SHANK2: variants seen among roughly 807,000 people sequenced by gnomAD.
SHANK2 encodes the protein SH3 and multiple ankyrin repeat domains 2, also known as SH3 and multiple ankyrin repeat domains protein 2.
Under a neutral mutation model 133.7 loss-of-function variants are expected in SHANK2, and 43 were observed. That is an observed-to-expected ratio of 0.32 (90% CI 0.25 to 0.41). The LOEUF (loss-of-function observed/expected upper bound fraction) is 0.41, where lower values mean the gene tolerates loss of function less well. Among genes scored for constraint, SHANK2 ranks in the 10% least tolerant of loss-of-function variants. The pLI, the probability that SHANK2 is intolerant of heterozygous loss-of-function variation, is 1.00. For synonymous variants in SHANK2, 1,017 were observed against 952.8 expected (o/e 1.07, Z -1.24); for missense variants, 1,994 against 2,235.8 (o/e 0.89, Z 2.18).
intron 14 of SHANK2, among the ~76,000 whole-genome samples, chr11:70,786,213 C>A (rs1947651270): frequency 6.6e-6 from 1 of 152,228 alleles, no homozygotes; most frequent in Non-Finnish European, 1.5e-5. Flanking sequence ...CTGTGCCTTT[C>A]TCCTCTGCAG....
chr11:70,620,629 G>T (rs2060817061), intron 17 of SHANK2, among the ~76,000 whole-genome samples: 1 of 151,112 alleles, frequency 6.6e-6, no homozygotes, highest in Non-Finnish European at 1.5e-5. Context: ...CCGTCTGAAT[G>T]TCTGTATCCC....
chr11:70,500,298 CAG>C lies in SHANK2; in HGVS notation c.2308+270_2308+271del, dbSNP rs1346409902. ...CCAGGCAGCCCCAGCTGAGACCAAA[CAG>C]GGGTCCGGCCAGCTTCACGGTCATG... On this transcript the variant is annotated intron_variant, in intron 21 of 25. Transcript: ENST00000601538. This position sits in a 1 kb window ranked among gnomAD's most constrained non-coding sequence, Gnocchi z 4.5. Among the ~76,000 whole-genome samples the C allele has an allele frequency of 6.6e-6, 1 of 152,114 alleles. No individual in the cohort carries two copies. The highest frequency in any genetic ancestry group is 1.5e-5 in the Non-Finnish European group (1 of 68,034).
intron 12 of SHANK2, among the ~76,000 whole-genome samples, chr11:70,809,116 G>T (rs75423986): frequency 3.3e-5 from 5 of 150,782 alleles, no homozygotes; most frequent in Admixed American, 2.0e-4. Context: ...AGAAACAAAC[G>T]CATCTACACG....
rs2058795300 is a variant in SHANK2 at position 70,485,858 on chromosome 11, G to A, written c.4435C>T (p.Pro1479Ser). ...SNCLPASFLPPPESFDAVADS... is the reference protein window; with the variant it reads ...SNCLPASFLPSPESFDAVADS... ...GCGACGGCGTCAAAGCTTTCAGGGGGTGGCAGGAATGAGGCAGGCAGACAG... is the reference window on the plus strand; with the variant it reads ...GCGACGGCGTCAAAGCTTTCAGGGGATGGCAGGAATGAGGCAGGCAGACAG... Residue 1479 changes from proline (P) to serine (S), a missense_variant, in exon 25 of 26, where the codon CCC (proline) becomes TCC (serine). By Grantham distance (74) the Pro-to-Ser change is moderately conservative (BLOSUM62 -1). Coordinates refer to ENST00000601538, the MANE Select transcript of SHANK2 (RefSeq NM_012309.5). The surrounding 1 kb of genome is among the most constrained non-coding windows in gnomAD (Gnocchi z 5.8). 6.2e-7 allele frequency: 1 copy of A among 1,613,990 alleles called. No individual in the cohort carries two copies. The highest frequency in any genetic ancestry group is 2.2e-5 in the East Asian group (1 of 44,888).
At chr11:70,647,760 T>C (rs782585595) in intron 17 of SHANK2, among the ~76,000 whole-genome samples, 10 of 152,182 alleles carry the variant, frequency 6.6e-5, no homozygotes, top group Non-Finnish European at 1.3e-4. Flanking sequence ...CAGGACCCCC[T>C]TCCCTCTGCG....
chr11:70,514,150 C>T (rs2059238255), intron 17 of SHANK2, among the ~76,000 whole-genome samples: 2 of 152,232 alleles, frequency 1.3e-5, no homozygotes, highest in East Asian at 1.9e-4. Context: ...ATTATTCACA[C>T]TCTAAATAAA....
chr11:70,544,666 G>A (rs73522164), intron 17 of SHANK2, among the ~76,000 whole-genome samples: 24,845 of 152,226 alleles, frequency 0.16, 2,553 homozygotes, highest in African/African-American at 0.26. Flanking sequence ...CAGGAGCGGG[G>A]TGGCCACCTC....
Position 70,876,484 on chromosome 11 carries a change from C to T in SHANK2, c.1174+20017G>A, listed in dbSNP as rs1027624306. On this transcript the variant is annotated intron_variant, in intron 11 of 25. Transcript: ENST00000601538. The stretch of plus-strand genomic sequence containing the variant: ...CTGAGGCAGGAAGATGGCATGAACC[C>T]GGGAGGCAGAGCTTGCAGTGAGCCA... Among the ~76,000 whole-genome samples, 8 of 151,414 alleles carry T rather than the reference C, an allele frequency of 5.3e-5. No individual in the cohort carries two copies. In the South Asian group the frequency reaches 1.3e-3, roughly 24 times the overall value.
At chr11:71,220,051 C>T (rs1465117090) in intron 2 of SHANK2, among the ~76,000 whole-genome samples, 6 of 151,884 alleles carry the variant, frequency 4.0e-5, no homozygotes, top group Admixed American at 3.3e-4. Context: ...TAGTGAGACC[C>T]CCCCACCCAT....
At chr11:70,489,685 C>T in intron 23 of SHANK2, 1 of 411,694 alleles carries the variant, frequency 2.4e-6, no homozygotes, top group Non-Finnish European at 4.5e-6. Flanking sequence ...AATTATCTCA[C>T]AAAGGGACTG....
chr11:70,599,281 C>T (rs920988462), intron 17 of SHANK2, among the ~76,000 whole-genome samples: 7 of 152,064 alleles, frequency 4.6e-5, no homozygotes, highest in Admixed American at 4.6e-4. Context: ...TTTGCAGAAG[C>T]TCTTTGTGGA....
chr11:70,560,935 A>G (rs777318318), intron 17 of SHANK2, among the ~76,000 whole-genome samples: 1 of 152,032 alleles, frequency 6.6e-6, no homozygotes, highest in Non-Finnish European at 1.5e-5. Context: ...CCCACTTACT[A>G]TAAAGATACA....
At chr11:70,915,341 G>A (rs559265861) in intron 10 of SHANK2, among the ~76,000 whole-genome samples, 2 of 152,148 alleles carry the variant, frequency 1.3e-5, no homozygotes, top group Non-Finnish European at 2.9e-5. Flanking sequence ...GCAACTACAC[G>A]CTGGCGCCTA....
intron 15 of SHANK2, among the ~76,000 whole-genome samples, chr11:70,673,565 C>T (rs1437775572): frequency 6.6e-6 from 1 of 152,248 alleles, no homozygotes; most frequent in East Asian, 1.9e-4. Context: ...ATGTCCTCCT[C>T]TCCCGGGAAC....
chr11:70,528,586 C>T (rs543974609), intron 17 of SHANK2, among the ~76,000 whole-genome samples: 1 of 152,214 alleles, frequency 6.6e-6, no homozygotes, highest in East Asian at 2.0e-4. Flanking sequence ...GGGAGGGGGG[C>T]TCCTGCATCC....
chr11:70,702,880 A>T (rs1388108728), intron 14 of SHANK2, among the ~76,000 whole-genome samples: 1 of 152,214 alleles, frequency 6.6e-6, no homozygotes, highest in East Asian at 1.9e-4. Flanking sequence ...TCATTATTTC[A>T]TCTTTAAAAG....
chr11:71,158,470 G>A (rs1337338544), intron 2 of SHANK2, among the ~76,000 whole-genome samples: 2 of 152,190 alleles, frequency 1.3e-5, no homozygotes, highest in African/African-American at 4.8e-5. Flanking sequence ...AGAAAGAATT[G>A]AAGGTAGACC....
intron 15 of SHANK2, among the ~76,000 whole-genome samples, chr11:70,686,441 TACCCATCCACAC>T (rs1263616796): frequency 2.2e-5 from 3 of 133,996 alleles, no homozygotes; most frequent in African/African-American, 8.5e-5. Flanking sequence ...TTCATCTATC[TACCCATCCACAC>T]ACCCATCCAG....
chr11:70,528,585 G>T (rs576640699), intron 17 of SHANK2, among the ~76,000 whole-genome samples: 1 of 152,234 alleles, frequency 6.6e-6, no homozygotes, highest in East Asian at 2.0e-4. Flanking sequence ...GGGGAGGGGG[G>T]CTCCTGCATC....
Sources: gnomAD v4.1 joint callset for allele counts (sites outside exome capture counted in the v4.1 genomes callset) on GRCh38, gnomAD v4.1.1 for gene constraint, Gnocchi (gnomAD v3.1) non-coding constraint, MANE v1.5 for transcripts, NCBI Gene and HGNC (gene_info 2026-07-23, HGNC 2026-07-21) for gene names.